STK33: variants seen among roughly 807,000 people sequenced by gnomAD.
STK33 encodes serine/threonine kinase 33.
A neutral mutation model predicts 58.0 loss-of-function variants in STK33; 52 were observed. That is an observed-to-expected ratio of 0.90 (90% confidence interval 0.72 to 1.13). STK33 has a LOEUF of 1.13. STK33 is among the 50% of genes most tolerant of loss of function. The probability of loss-of-function intolerance (pLI) is 0.00; values close to 1 mark genes in which losing one functional copy is unlikely to be tolerated. For missense variants in STK33, 630 were observed against 604.2 expected, an observed-to-expected ratio of 1.04 and a Z score of -0.45; for synonymous variants, 215 against 200.1, an observed-to-expected ratio of 1.07 and a Z score of -0.63.
intron 1 of STK33, among the ~76,000 whole-genome samples, chr11:8,531,606 T>A (rs1164307405): frequency 1.3e-5 from 2 of 152,216 alleles, no homozygotes; most frequent in Non-Finnish European, 2.9e-5. Context: ...TGCTCACATA[T>A]GGGCTCTCCA....
At position 8,392,395 on chromosome 11, in the gene STK33, T is replaced by A. The variant is rs1848689331; in HGVS notation, c.*115A>T. 2 of 1,193,336 alleles carry A rather than the reference T, an allele frequency of 1.7e-6. No individual in the cohort carries two copies. The highest frequency in any genetic ancestry group is 4.7e-5 in the East Asian group (2 of 42,856). 73.9% of individuals were successfully genotyped at this position (1,193,336 alleles called of 1,614,324 possible). On this transcript the variant is annotated 3_prime_UTR_variant, in exon 16 of 16. Coordinates refer to ENST00000687296, the MANE Select transcript of STK33 (RefSeq NM_001352389.2). ...GGTGCAAACACATGGCGGGGCTCTG[T>A]GGAGCTAAAAGGCTACAAGCTCAGC... is the stretch of plus-strand genomic sequence containing the variant.
chr11:8,540,350 C>T (rs1371326837), intron 1 of STK33, among the ~76,000 whole-genome samples: 3 of 151,608 alleles, frequency 2.0e-5, no homozygotes, highest in Admixed American at 6.6e-5. Context: ...CCAGGTATGG[C>T]GGGGTGTACT....
chr11:8,385,160 A>T, the STK33 span, among the ~76,000 whole-genome samples: 1 of 152,166 alleles, frequency 6.6e-6, no homozygotes, highest in Admixed American at 6.5e-5. Flanking sequence ...TTTCATATCA[A>T]TCCATTTCTC....
In STK33 at chr11:8,536,973, T is replaced by TC. The variant is rs1176170113; in HGVS notation, c.-465-56360_-465-56359insG. ...ATTAAAAAAAAAAAAAAAAAAAAGA[T>TC]TTTTTTTTTTTTTTTTTTTTTTTTT... On this transcript the variant is annotated intron_variant, in intron 1 of 15. Coordinates refer to ENST00000687296, the MANE Select transcript of STK33 (RefSeq NM_001352389.2). 2.2e-3 allele frequency among the ~76,000 whole-genome samples: 14 copies of TC among 6,234 alleles called. No homozygotes were observed. The East Asian group carries it at 0.025, about 11-fold the overall frequency. 4.1% of individuals were successfully genotyped at this position (6,234 alleles called of 152,430 possible).
the STK33 span, among the ~76,000 whole-genome samples, chr11:8,384,783 G>A: frequency 6.6e-6 from 1 of 152,084 alleles, no homozygotes; most frequent in Non-Finnish European, 1.5e-5. Context: ...TCCTTACCCT[G>A]CCCCCTTGCC....
chr11:8,564,886 C>T (rs544448771), intron 1 of STK33, among the ~76,000 whole-genome samples: 56 of 152,166 alleles, frequency 3.7e-4, no homozygotes, highest in Non-Finnish European at 6.6e-4. Flanking sequence ...AAAACATATC[C>T]TAAGCAGAAA....
the STK33 span, among the ~76,000 whole-genome samples, chr11:8,360,987 C>T: frequency 1.3e-5 from 2 of 152,154 alleles, no homozygotes; most frequent in South Asian, 2.1e-4. Context: ...CCTAAATTAG[C>T]GTTGCATTGA....
At chr11:8,504,666 G>T (rs1320192502) in intron 1 of STK33, among the ~76,000 whole-genome samples, 1 of 151,900 alleles carries the variant, frequency 6.6e-6, no homozygotes, top group Non-Finnish European at 1.5e-5. Context: ...TCCAGGCATG[G>T]TGGTGTGTGC....
At chr11:8,535,281 T>A (rs1322737387) in intron 1 of STK33, among the ~76,000 whole-genome samples, 2 of 152,064 alleles carry the variant, frequency 1.3e-5, no homozygotes, top group Non-Finnish European at 2.9e-5. Flanking sequence ...AATGCAAAAA[T>A]TTCAAAAGTA....
At chr11:8,512,366 T>C (rs1952404800) in intron 1 of STK33, among the ~76,000 whole-genome samples, 1 of 152,008 alleles carries the variant, frequency 6.6e-6, no homozygotes, top group African/African-American at 2.4e-5. Flanking sequence ...CTCTAAAAAA[T>C]ACAATCTAAC....
chr11:8,474,592 A>G (rs937858863), intron 5 of STK33, 89 bp downstream of exon 5: 1 of 929,200 alleles, frequency 1.1e-6, no homozygotes, highest in East Asian at 2.7e-5. Flanking sequence ...ATTAGCTAAC[A>G]AGAACTCATG....
At chr11:8,416,697 C>T (rs963211263) in intron 14 of STK33, among the ~76,000 whole-genome samples, 6 of 152,176 alleles carry the variant, frequency 3.9e-5, no homozygotes, top group Non-Finnish European at 7.4e-5. Flanking sequence ...TTCTACATGT[C>T]TAAAGGAGAG....
the STK33 span, among the ~76,000 whole-genome samples, chr11:8,376,671 A>G: frequency 1.3e-5 from 2 of 151,900 alleles, no homozygotes; most frequent in African/African-American, 4.8e-5. Context: ...CCTCCTGAGT[A>G]GCTGGGACTA....
At chr11:8,574,909 G>C (rs932513442) in intron 1 of STK33, among the ~76,000 whole-genome samples, 3 of 151,936 alleles carry the variant, frequency 2.0e-5, no homozygotes, top group African/African-American at 7.2e-5. Context: ...GCCAAGTCTG[G>C]TGGCATGCAC....
chr11:8,530,631 C>T (rs1303683437), intron 1 of STK33, among the ~76,000 whole-genome samples: 1 of 151,954 alleles, frequency 6.6e-6, no homozygotes, highest in Non-Finnish European at 1.5e-5. Flanking sequence ...AATAGGATGC[C>T]GTGAAAGCCA....
intron 15 of STK33, among the ~76,000 whole-genome samples, chr11:8,397,711 GA>G (rs967623433): frequency 4.0e-5 from 6 of 150,912 alleles, no homozygotes; most frequent in East Asian, 3.9e-4. Flanking sequence ...TAAAAACCTT[GA>G]AAAAAAAATA....
At chr11:8,529,106 T>G (rs191251882) in intron 1 of STK33, among the ~76,000 whole-genome samples, 5 of 152,334 alleles carry the variant, frequency 3.3e-5, no homozygotes, top group Admixed American at 6.5e-5. Flanking sequence ...ACAGTCTGAT[T>G]CCGTCTTGTT....
intron 15 of STK33, among the ~76,000 whole-genome samples, chr11:8,396,196 C>T (rs781032995): frequency 2.6e-5 from 4 of 152,196 alleles, no homozygotes; most frequent in Admixed American, 6.5e-5. Context: ...CTCCGCCTCC[C>T]GGGTTCAAGT....
chr11:8,553,792 T>A (rs1384643132), intron 1 of STK33, among the ~76,000 whole-genome samples: 2 of 152,026 alleles, frequency 1.3e-5, no homozygotes, highest in East Asian at 1.9e-4. Flanking sequence ...ATACCATATA[T>A]AAAAATCAAC....
Sources: allele counts gnomAD v4.1 joint callset (sites outside exome capture counted in the v4.1 genomes callset), GRCh38; gene constraint gnomAD v4.1.1; transcripts MANE v1.5; gene names NCBI Gene and HGNC (gene_info 2026-07-23, HGNC 2026-07-21).